DCLK1: variants seen among roughly 807,000 people sequenced by gnomAD.
DCLK1 encodes serine/threonine-protein kinase DCLK1.
A neutral mutation model predicts 86.2 loss-of-function variants in DCLK1; 16 were observed. The observed-to-expected ratio is 0.19, with a 90% confidence interval of 0.13 to 0.28. DCLK1 has a LOEUF of 0.28. DCLK1 is among the 10% of genes least tolerant of loss of function. DCLK1 has a pLI of 1.00. For synonymous variants in DCLK1, 369 were observed against 370.5 expected (o/e 1.00, Z 0.05); for missense variants, 590 against 940.2 (o/e 0.63, Z 4.87).
rs998420321 is a variant in DCLK1 at position 35,800,369 on chromosome 13, G to C, written c.1944+5330C>G. On this transcript the variant is annotated intron_variant, in intron 15 of 16. Coordinates refer to ENST00000360631, the MANE Select transcript of DCLK1 (RefSeq NM_001330071.2). ...GAAAACAGGTTTAAAGGAGAGAAAA[G>C]ACTTGCCCAAGGTCACACAGGTGAG... Among the ~76,000 whole-genome samples, 3 of 152,334 alleles carry C rather than the reference G, an allele frequency of 2.0e-5. No individual in the cohort carries two copies. In the East Asian group the frequency reaches 5.8e-4, roughly 29 times the overall value.
chr13:35,968,533 C>T (rs1271093696), intron 3 of DCLK1, among the ~76,000 whole-genome samples: 1 of 152,120 alleles, frequency 6.6e-6, no homozygotes, highest in Non-Finnish European at 1.5e-5. Flanking sequence ...AAGTCTACGG[C>T]AGAAAGTCAA....
chr13:36,001,757 G>C (rs1268864443), intron 3 of DCLK1, among the ~76,000 whole-genome samples: 2 of 152,164 alleles, frequency 1.3e-5, no homozygotes, highest in African/African-American at 4.8e-5. Flanking sequence ...TTTTAGTTAA[G>C]TTTTTATTTG....
At chr13:35,919,587 C>T (rs549334013) in intron 4 of DCLK1, among the ~76,000 whole-genome samples, 1 of 152,154 alleles carries the variant, frequency 6.6e-6, no homozygotes, top group African/African-American at 2.4e-5. Context: ...TAGCCCTCTC[C>T]CAGACTCCTC....
At chr13:35,878,480 C>A (rs920150565) in intron 4 of DCLK1, among the ~76,000 whole-genome samples, 3 of 152,032 alleles carry the variant, frequency 2.0e-5, no homozygotes, top group Middle Eastern at 6.8e-3. Context: ...CAATCAAGAT[C>A]AAAACACTCT....
At chr13:35,819,916 T>C (rs935298967) in intron 11 of DCLK1, among the ~76,000 whole-genome samples, 1 of 152,216 alleles carries the variant, frequency 6.6e-6, no homozygotes, top group African/African-American at 2.4e-5. Context: ...AGTTATGTTA[T>C]CTTCATCAAA....
intron 3 of DCLK1, among the ~76,000 whole-genome samples, chr13:36,049,144 A>G (rs1245902308): frequency 1.3e-5 from 2 of 152,190 alleles, no homozygotes; most frequent in Non-Finnish European, 2.9e-5. Flanking sequence ...GAAACTAAGT[A>G]TTGCAGAAAA....
chr13:35,963,732 T>C (rs1489861958), intron 3 of DCLK1, among the ~76,000 whole-genome samples: 1 of 152,142 alleles, frequency 6.6e-6, no homozygotes, highest in Non-Finnish European at 1.5e-5. Flanking sequence ...TGATAGTGAG[T>C]GAATTCTCAT....
intron 1 of DCLK1, among the ~76,000 whole-genome samples, chr13:36,128,861 C>G (rs1039548520): frequency 6.6e-5 from 10 of 152,080 alleles, no homozygotes; most frequent in Non-Finnish European, 1.5e-4. Flanking sequence ...TAAACAGAAC[C>G]AATTTTTGTC....
chr13:35,807,850 G>T lies in DCLK1; in HGVS notation c.1863+374C>A, dbSNP rs144203718. Among the ~76,000 whole-genome samples, 8 of 152,326 alleles carry T rather than the reference G, an allele frequency of 5.3e-5. No individual in the cohort carries two copies. The East Asian group carries it at 1.2e-3, about 22-fold the overall frequency. On this transcript the variant is annotated intron_variant, in intron 14 of 16. Transcript: ENST00000360631. Reference sequence around the variant, plus strand: ...GATGCAATTGGAACCAGGATGGTCTGGGAAGGCTTCACTGGGAAATTAAGT... The same window carrying T: ...GATGCAATTGGAACCAGGATGGTCTTGGAAGGCTTCACTGGGAAATTAAGT...
chr13:36,057,032 C>T (rs1883359276), intron 3 of DCLK1, among the ~76,000 whole-genome samples: 1 of 151,170 alleles, frequency 6.6e-6, no homozygotes, highest in Admixed American at 6.6e-5. Context: ...AAGGACTCAC[C>T]CTTAGGTAGG....
rs943108835 is a variant in DCLK1, at chr13:35,774,618, C to G, written c.2140G>C (p.Ala714Pro). 2 of 1,602,004 alleles carry G rather than the reference C, an allele frequency of 1.2e-6. No individual in the cohort carries two copies. The highest frequency in any genetic ancestry group is 1.7e-5 in the Admixed American group (1 of 58,886). The part of the protein sequence containing the change: ...DVRSRYKAQP[A>P]PPELNSESED... Reference sequence around the variant, plus strand: ...GATTCCGAGTTGAGTTCGGGAGGAGCTGGCTGCGCCTTGTACCGGCTCCTC... The same window carrying G: ...GATTCCGAGTTGAGTTCGGGAGGAGGTGGCTGCGCCTTGTACCGGCTCCTC... Residue 714 changes from alanine (A) to proline (P), a missense_variant, in exon 17 of 17, where the codon GCT becomes CCT. Around this residue, in one of 6 missense-constraint regions of DCLK1, gnomAD observed 146 missense variants for 190.2 expected, o/e 0.77. Transcript: ENST00000360631.
chr13:35,979,792 G>A (rs1407016711), intron 3 of DCLK1, among the ~76,000 whole-genome samples: 1 of 152,138 alleles, frequency 6.6e-6, no homozygotes, highest in African/African-American at 2.4e-5. Flanking sequence ...TCTCCGCAAA[G>A]GCAACCACAT....
intron 3 of DCLK1, among the ~76,000 whole-genome samples, chr13:36,075,659 T>A (rs149878123): frequency 2.6e-5 from 4 of 152,174 alleles, no homozygotes; most frequent in African/African-American, 7.2e-5. Flanking sequence ...AAAATGTGCA[T>A]GAAATGAAGA....
Position 35,825,370 on chromosome 13 carries a change from C to T in DCLK1, c.1407+2265G>A, listed in dbSNP as rs2087495181. Among the ~76,000 whole-genome samples, 2 of 152,098 alleles carry T rather than the reference C, an allele frequency of 1.3e-5. 1 individual carries two copies. Among genetic ancestry groups the T allele is most frequent in the South Asian group, 4.1e-4 (2 of 4,820 alleles). On this transcript the variant is annotated intron_variant, in intron 10 of 16. Transcript: ENST00000360631. ...CTTGCAGCACAATTGAGGGTCCCAG[C>T]GCTGGGCTACAGAGACCTTCTATGG...
At chr13:35,777,378 T>C (rs1176663115) in intron 16 of DCLK1, among the ~76,000 whole-genome samples, 1 of 152,174 alleles carries the variant, frequency 6.6e-6, no homozygotes, top group Non-Finnish European at 1.5e-5. Flanking sequence ...CCCATGTGCA[T>C]TGCTAACTAG....
intron 11 of DCLK1, among the ~76,000 whole-genome samples, chr13:35,814,536 G>C (rs941416115): frequency 1.3e-5 from 2 of 152,182 alleles, no homozygotes; most frequent in Non-Finnish European, 2.9e-5. Context: ...TCCAGCTAGT[G>C]GAGCTGTGGT....
intron 4 of DCLK1, among the ~76,000 whole-genome samples, chr13:35,921,567 CT>C (rs1268184104): frequency 6.6e-6 from 1 of 152,168 alleles, no homozygotes; most frequent in Non-Finnish European, 1.5e-5. Flanking sequence ...ATAATTATTC[CT>C]TTAAGGTCCT....
At chr13:35,956,265 T>A (rs1183282641) in intron 3 of DCLK1, among the ~76,000 whole-genome samples, 1 of 152,180 alleles carries the variant, frequency 6.6e-6, no homozygotes, top group Non-Finnish European at 1.5e-5. Flanking sequence ...GGAAATTGGC[T>A]TATCTGAGCC....
intron 3 of DCLK1, among the ~76,000 whole-genome samples, chr13:36,095,123 A>G (rs1472919561): frequency 1.3e-5 from 2 of 151,616 alleles, no homozygotes; most frequent in East Asian, 3.9e-4. Flanking sequence ...TCATGAATGA[A>G]CACAGGTGGC....
Sources: gnomAD v4.1 joint callset for allele counts (sites outside exome capture counted in the v4.1 genomes callset) on GRCh38, gnomAD v4.1.1 for gene constraint, gnomAD v4.1.1 regional missense constraint, MANE v1.5 for transcripts, NCBI Gene and HGNC (gene_info 2026-07-23, HGNC 2026-07-21) for gene names.